Variants in ATXN1 observed in about 807,000 individuals in gnomAD.
The protein encoded by ATXN1 is ataxin-1.
A neutral mutation model predicts 56.4 loss-of-function variants in ATXN1; 8 were observed. The observed-to-expected ratio is 0.14, with a 90% CI of 0.08 to 0.26. The LOEUF (loss-of-function observed/expected upper bound fraction) is 0.26. ATXN1 is among the 10% of genes least tolerant of loss of function. ATXN1 has a pLI of 1.00. For synonymous variants in ATXN1, 514 were observed against 494.6 expected (o/e 1.04, Z -0.52); for missense variants, 987 against 1,106.5 (o/e 0.89, Z 1.53).
rs1761074986 is a variant in ATXN1, at chr6:16,760,949, C to A, written c.-730+349G>T. On this transcript the variant is annotated intron_variant, in intron 1 of 7. Transcript: ENST00000436367. The surrounding 1 kb of genome is among the most constrained non-coding windows in gnomAD (Gnocchi z 5.3). ...CGCGCCCCCCGCCCGGGCGCGCCCCCTAGCCCGGCGGGCGCCCACCCAGCC... is the reference window on the plus strand; with the variant it reads ...CGCGCCCCCCGCCCGGGCGCGCCCCATAGCCCGGCGGGCGCCCACCCAGCC... Among the ~76,000 whole-genome samples, 1 of 148,838 alleles carries A rather than the reference C, an allele frequency of 6.7e-6. No individual in the cohort carries two copies. The highest frequency in any genetic ancestry group is 2.1e-4 in the South Asian group (1 of 4,790).
chr6:16,682,922 T>C (rs904827972), intron 2 of ATXN1, among the ~76,000 whole-genome samples: 1 of 152,258 alleles, frequency 6.6e-6, no homozygotes, highest in Non-Finnish European at 1.5e-5. Flanking sequence ...TTGAGTTATA[T>C]ATTTTAGCTG....
chr6:16,386,043 T>G (rs577457935), intron 6 of ATXN1, among the ~76,000 whole-genome samples: 2 of 152,218 alleles, frequency 1.3e-5, no homozygotes, highest in African/African-American at 4.8e-5. Context: ...TAGGTAGAGA[T>G]AGATGCTTGG....
intron 4 of ATXN1, among the ~76,000 whole-genome samples, chr6:16,566,858 A>AAACAACAAC (rs150789955): frequency 6.6e-6 from 1 of 150,658 alleles, no homozygotes; most frequent in Admixed American, 6.6e-5. Context: ...TCCGTCTCAA[A>AAACAACAAC]AACAACAACA....
chr6:16,554,965 C>T (rs2113732419), intron 4 of ATXN1, among the ~76,000 whole-genome samples: 1 of 152,270 alleles, frequency 6.6e-6, no homozygotes, highest in East Asian at 1.9e-4. Context: ...CCACTCAATC[C>T]CACGCTGGCT....
At chr6:16,674,163 C>CT (rs1454151005) in intron 2 of ATXN1, among the ~76,000 whole-genome samples, 2 of 151,740 alleles carry the variant, frequency 1.3e-5, no homozygotes, top group Non-Finnish European at 2.9e-5. Flanking sequence ...AACCACAGGA[C>CT]TTTTTTTTAA....
intron 6 of ATXN1, among the ~76,000 whole-genome samples, chr6:16,443,855 G>A (rs1476098335): frequency 6.6e-6 from 1 of 152,178 alleles, no homozygotes; most frequent in African/African-American, 2.4e-5. Flanking sequence ...GATGGCTCAT[G>A]CCTGTAATCC....
At chr6:16,486,849 G>A (rs541232828) in intron 5 of ATXN1, among the ~76,000 whole-genome samples, 8 of 151,888 alleles carry the variant, frequency 5.3e-5, no homozygotes, top group Non-Finnish European at 1.0e-4. Context: ...GAATGTTTGC[G>A]ACACTGTGAA....
At chr6:16,576,712 TTG>T (rs370310345) in intron 4 of ATXN1, among the ~76,000 whole-genome samples, 144 of 152,364 alleles carry the variant, frequency 9.5e-4, no homozygotes, top group African/African-American at 3.1e-3. Flanking sequence ...CACATATGTG[TTG>T]TGTCTTTGTG....
At chr6:16,567,957 A>G (rs2113746879) in intron 4 of ATXN1, among the ~76,000 whole-genome samples, 1 of 152,132 alleles carries the variant, frequency 6.6e-6, no homozygotes, top group East Asian at 1.9e-4. Context: ...CATGTGTTAG[A>G]TTTTCCCCTT....
chr6:16,523,501 C>T (rs918733713), intron 4 of ATXN1, among the ~76,000 whole-genome samples: 5 of 152,230 alleles, frequency 3.3e-5, no homozygotes, highest in Non-Finnish European at 4.4e-5. Flanking sequence ...TGTGCCACCA[C>T]ACCTGGATTA....
chr6:16,474,484 T>C (rs764825781), intron 6 of ATXN1, among the ~76,000 whole-genome samples: 3 of 152,210 alleles, frequency 2.0e-5, no homozygotes, highest in Non-Finnish European at 4.4e-5. Context: ...CATGCTGGAT[T>C]AACCAGTCCC....
intron 6 of ATXN1, among the ~76,000 whole-genome samples, chr6:16,473,617 C>T (rs1760264957): frequency 6.6e-6 from 1 of 152,156 alleles, no homozygotes; most frequent in African/African-American, 2.4e-5. Flanking sequence ...ATCTCTTTGA[C>T]TCAGCCCCTT....
At chr6:16,429,351 C>T (rs1171384955) in intron 6 of ATXN1, among the ~76,000 whole-genome samples, 6 of 135,516 alleles carry the variant, frequency 4.4e-5, no homozygotes, top group East Asian at 2.3e-4. Flanking sequence ...TGGGTGATAA[C>T]AGGATGTTTG....
intron 6 of ATXN1, among the ~76,000 whole-genome samples, chr6:16,384,266 A>T (rs556952680): frequency 6.6e-6 from 1 of 152,352 alleles, no homozygotes; most frequent in South Asian, 2.1e-4. Flanking sequence ...AATCGTGATT[A>T]AACAACTGAA....
At position 16,316,865 on chromosome 6, in the gene ATXN1, CTTTTT is replaced by C. The variant is rs375359789; in HGVS notation, c.1917+9524_1917+9528del. 5.1e-3 allele frequency among the ~76,000 whole-genome samples: 510 copies of C among 99,464 alleles called. 16 individuals are homozygous for C. Among genetic ancestry groups the C allele is most frequent in the African/African-American group, 0.022 (439 of 19,626 alleles). The allele number at this position is 99,464 out of a possible 152,430, so 65.3% of individuals were successfully genotyped here. The stretch of plus-strand genomic sequence containing the variant: ...AGGGGGCAATAGAGAGACTGCCTGT[CTTTTT>C]TTTTTTTTTTTTTTTTTTTTTTAAC... On this transcript the variant is annotated intron_variant, in intron 7 of 7. Coordinates refer to ENST00000436367, the MANE Select transcript of ATXN1 (RefSeq NM_001128164.2).
intron 2 of ATXN1, among the ~76,000 whole-genome samples, chr6:16,658,494 T>C (rs1317632261): frequency 6.6e-6 from 1 of 152,218 alleles, no homozygotes; most frequent in African/African-American, 2.4e-5. Context: ...AAGCAGTAGT[T>C]ACTTTACACA....
At chr6:16,595,622 G>T (rs1239317011) in intron 3 of ATXN1, among the ~76,000 whole-genome samples, 2 of 152,204 alleles carry the variant, frequency 1.3e-5, no homozygotes, top group African/African-American at 4.8e-5. Flanking sequence ...TCTCCATTAT[G>T]GTCTCTTTCT....
Position 16,327,068 on chromosome 6 carries a change from C to G in ATXN1, c.1243G>C (p.Gly415Arg). Reference protein sequence around the residue: ...ASPSTLNDKSGLHLGKPGHRS... With the variant: ...ASPSTLNDKSRLHLGKPGHRS... Reference sequence around the variant, plus strand: ...TGGCCAGGCTTCCCTAAATGCAGGCCACTTTTGTCGTTGAGGGTAGAAGGG... The same window carrying G: ...TGGCCAGGCTTCCCTAAATGCAGGCGACTTTTGTCGTTGAGGGTAGAAGGG... The change falls in exon 7 of 8, where the codon GGC becomes CGC. Residue 415 changes from glycine to arginine, a missense_variant. By Grantham distance (125) the Gly-to-Arg change is moderately radical. Around this residue, in one of 3 missense-constraint regions of ATXN1, gnomAD observed 723 missense variants for 791.7 expected, o/e 0.91. Transcript: ENST00000436367. 1.2e-6 allele frequency: 2 copies of G among 1,614,020 alleles called. No homozygotes were observed. The highest frequency in any genetic ancestry group is 1.7e-6 in the Non-Finnish European group (2 of 1,180,024).
chr6:16,751,403 A>G (rs1440897490), intron 2 of ATXN1, among the ~76,000 whole-genome samples: 2 of 152,234 alleles, frequency 1.3e-5, no homozygotes, highest in Non-Finnish European at 2.9e-5. Context: ...ATCCAGTTCC[A>G]TATTTTACAA....
Sources: gnomAD v4.1 joint callset for allele counts (sites outside exome capture counted in the v4.1 genomes callset) on GRCh38, gnomAD v4.1.1 for gene constraint, gnomAD v4.1.1 regional missense constraint, Gnocchi (gnomAD v3.1) non-coding constraint, MANE v1.5 for transcripts, NCBI Gene and HGNC (gene_info 2026-07-23, HGNC 2026-07-21) for gene names.